The following CELF3 variants were observed in gnomAD, a reference collection of about 807,000 sequenced individuals.
The protein encoded by CELF3 is CUGBP Elav-like family member 3, also known as CAG repeat domain.
In CELF3, 26 loss-of-function variants were observed where a neutral mutation model predicts 59.6. The ratio of observed to expected loss-of-function variants is 0.44; its 90% CI spans 0.32 to 0.61. The LOEUF is 0.61. CELF3 is among the 20% of genes least tolerant of loss of function. CELF3 has a pLI of 0.06. For missense variants in CELF3, 387 were observed against 627.2 expected (o/e 0.62, Z 4.09); for synonymous variants, 245 against 250.7 (o/e 0.98, Z 0.22).
chr1:151,700,204 G>A lies in CELF3; in HGVS notation c.*3255C>T, dbSNP rs752904472. On this transcript the variant is annotated 3_prime_UTR_variant, in exon 13 of 13. Coordinates refer to ENST00000290583, the MANE Select transcript of CELF3 (RefSeq NM_007185.7). ...GCTCACAGAAGAATGAGACACTTAC[G>A]CATGGCCATGATACACAGCAGTGAA... Among the ~76,000 whole-genome samples the A allele has an allele frequency of 6.6e-6, 1 of 152,104 alleles. No homozygotes were observed. The highest frequency in any genetic ancestry group is 1.5e-5 in the Non-Finnish European group (1 of 68,034).
intron 12 of CELF3, among the ~76,000 whole-genome samples, chr1:151,703,734 G>A (rs1672267233): frequency 6.6e-6 from 1 of 152,106 alleles, no homozygotes. Flanking sequence ...TGGAGGGGGA[G>A]AGAGGCAAAG....
intron 7 of CELF3, 78 bp downstream of exon 7, chr1:151,707,429 C>A: frequency 1.3e-6 from 2 of 1,575,050 alleles, no homozygotes; most frequent in Non-Finnish European, 1.7e-6. Flanking sequence ...GACCCCGAGG[C>A]TTCCCTGAGC....
At position 151,716,767 on chromosome 1, in the gene CELF3, G is replaced by A. The variant is rs1286332217; in HGVS notation, c.-747C>T. ...CTTTCCCGGTCACCTGGGTCCCGGA[G>A]CTCTGCTCTCCGGCCGCGCTCTCCT... On this transcript the variant is annotated 5_prime_UTR_variant, in exon 1 of 13. Transcript: ENST00000290583. 6.4e-6 allele frequency: 3 copies of A among 465,276 alleles called. No individual in the cohort carries two copies. The highest frequency in any genetic ancestry group is 7.1e-5 in the East Asian group (1 of 14,184). 28.8% of individuals were successfully genotyped at this position (465,276 alleles called of 1,614,324 possible).
At chr1:151,706,618 C>A (rs1414790634) in intron 9 of CELF3, 51 bp downstream of exon 9, 1 of 1,530,286 alleles carries the variant, frequency 6.5e-7, no homozygotes, top group Non-Finnish European at 8.9e-7. Context: ...GGCCTCTTTT[C>A]CTCCTGCCAC....
chr1:151,711,110 C>T (rs988147817), intron 2 of CELF3: 2 of 321,132 alleles, frequency 6.2e-6, no homozygotes, highest in Middle Eastern at 1.1e-3. Flanking sequence ...AGGACTAGCC[C>T]TGCCCTGCCA....
intron 2 of CELF3, among the ~76,000 whole-genome samples, chr1:151,711,550 C>A (rs1673020126): frequency 6.6e-6 from 1 of 152,098 alleles, no homozygotes; most frequent in Non-Finnish European, 1.5e-5. Flanking sequence ...ACCCGCCAAT[C>A]TGGGATTATC....
In CELF3 at chr1:151,716,749, G is replaced by C. The variant is rs764031917; in HGVS notation, c.-729C>G. On this transcript the variant is annotated 5_prime_UTR_variant, in exon 1 of 13. Coordinates refer to ENST00000290583, the MANE Select transcript of CELF3 (RefSeq NM_007185.7). Reference sequence around the variant, plus strand: ...CGCCGCTGGGGCTGCCTGCTTTCCCGGTCACCTGGGTCCCGGAGCTCTGCT... The same window carrying C: ...CGCCGCTGGGGCTGCCTGCTTTCCCCGTCACCTGGGTCCCGGAGCTCTGCT... 2 of 444,360 alleles carry C rather than the reference G, an allele frequency of 4.5e-6. No homozygotes were observed. Among genetic ancestry groups the C allele is most frequent in the African/African-American group, 4.6e-5 (2 of 43,178 alleles). The allele number at this position is 444,360 out of a possible 1,614,324, so 27.5% of individuals were successfully genotyped here. A position where few individuals can be genotyped will look rare whatever the true frequency, so the allele number is the denominator to read the frequency against.
intron 1 of CELF3, among the ~76,000 whole-genome samples, chr1:151,714,974 G>A (rs548480896): frequency 3.4e-4 from 51 of 151,872 alleles, no homozygotes; most frequent in Non-Finnish European, 6.2e-4. Context: ...GAGTAGTGTG[G>A]CTTTCTCTCC....
In CELF3 at chr1:151,716,009, C is replaced by G. The variant is rs781166346; in HGVS notation, c.12G>C (p.Pro4=). 6.2e-7 allele frequency: 1 copy of G among 1,612,342 alleles called. No individual in the cohort carries two copies. Among genetic ancestry groups the G allele is most frequent in the Non-Finnish European group, 8.5e-7 (1 of 1,179,084 alleles). The change falls in exon 1 of 13, where the codon CCG becomes CCC. Residue 4 remains proline, a synonymous_variant. Coordinates refer to ENST00000290583, the MANE Select transcript of CELF3 (RefSeq NM_007185.7). The stretch of plus-strand genomic sequence containing the variant: ...GCCCCACAAACAGCTTGATGGCATC[C>G]GGCTCCTTCATTGAGGCGGCCCAGG... The part of the protein sequence containing the change: MKE[P]DAIKLFVGQI...
chr1:151,707,820 A>G lies in CELF3; in HGVS notation c.602T>C (p.Phe201Ser). 6.2e-7 allele frequency: 1 copy of G among 1,613,770 alleles called. No individual in the cohort carries two copies. The highest frequency in any genetic ancestry group is 8.5e-7 in the Non-Finnish European group (1 of 1,179,766). ...CTGGGTGTAGGCGCTGTAGGCTCCA[A>G]ACTGGAGGGCGATGGGGCTGAACAT... ...LGMFSPIALQ[F>S]GAYSAYTQAL... Residue 201 changes from phenylalanine (F) to serine (S), a missense_variant, in exon 6 of 13, where the codon TTT becomes TCT. Physicochemically the swap from Phe to Ser is radical, Grantham distance 155. This residue lies in a region of CELF3 where 208 missense variants were observed against 354.8 expected (regional missense o/e 0.59). Transcript: ENST00000290583.
At position 151,705,805 on chromosome 1, in the gene CELF3, C is replaced by T. The variant is rs1260377916; in HGVS notation, c.1270+17G>A. 1 of 1,612,614 alleles carries T rather than the reference C, an allele frequency of 6.2e-7. No individual in the cohort carries two copies. The highest frequency in any genetic ancestry group is 1.3e-5 in the African/African-American group (1 of 74,866). ...GATTTGGAGTATGGCAAAAAATGTG[C>T]CATATCATATTCTTACCAAAACATT... On this transcript the variant is annotated intron_variant, in intron 11 of 12. Coordinates refer to ENST00000290583, the MANE Select transcript of CELF3 (RefSeq NM_007185.7). The surrounding 1 kb of genome is among the most constrained non-coding windows in gnomAD (Gnocchi z 5.1).
intron 9 of CELF3, 82 bp from the exon 10 acceptor site, chr1:151,706,443 A>G (rs1260766193): frequency 7.1e-7 from 1 of 1,404,968 alleles, no homozygotes; most frequent in African/African-American, 1.4e-5. Context: ...CCCTTCCCCT[A>G]GCCCAGGCCA....
intron 9 of CELF3, 141 bp downstream of exon 9, chr1:151,706,528 C>G: frequency 8.4e-7 from 1 of 1,184,838 alleles, no homozygotes; most frequent in Non-Finnish European, 1.2e-6. Context: ...CCTTAAAGAC[C>G]CCTCCCCACA....
intron 2 of CELF3, chr1:151,710,795 A>G (rs1672961462): frequency 2.2e-6 from 1 of 455,554 alleles, no homozygotes; most frequent in Non-Finnish European, 4.4e-6. Flanking sequence ...TCCTAGTTCC[A>G]CTCTCCATGT....
In CELF3 at chr1:151,705,538, C is replaced by A. The variant is rs1257338306; in HGVS notation, c.1270+284G>T. On this transcript the variant is annotated intron_variant, in intron 11 of 12. Coordinates refer to ENST00000290583, the MANE Select transcript of CELF3 (RefSeq NM_007185.7). The surrounding 1 kb of genome is among the most constrained non-coding windows in gnomAD (Gnocchi z 5.1). ...GTGAAGGCAGCTAAAACCGACTCCCCAAGCCCACCTTTTGCAAACCAAACA... is the reference window on the plus strand; with the variant it reads ...GTGAAGGCAGCTAAAACCGACTCCCAAAGCCCACCTTTTGCAAACCAAACA... Among the ~76,000 whole-genome samples, 1 of 152,200 alleles carries A rather than the reference C, an allele frequency of 6.6e-6. No individual in the cohort carries two copies. Among genetic ancestry groups the A allele is most frequent in the Non-Finnish European group, 1.5e-5 (1 of 68,042 alleles).
chr1:151,715,103 A>G (rs553775311), intron 1 of CELF3, among the ~76,000 whole-genome samples: 4 of 151,654 alleles, frequency 2.6e-5, no homozygotes, highest in Non-Finnish European at 4.4e-5. Context: ...CCTCCACCAT[A>G]GGCAGGTGGA....
At position 151,702,890 on chromosome 1, in the gene CELF3, C is replaced by A; in HGVS notation, c.*569G>T. 1 of 281,214 alleles carries A rather than the reference C, an allele frequency of 3.6e-6. No individual in the cohort carries two copies. The highest frequency in any genetic ancestry group is 3.6e-5 in the South Asian group (1 of 27,890). The allele number at this position is 281,214 out of a possible 1,614,324, so 17.4% of individuals were successfully genotyped here. A position where few individuals can be genotyped will look rare whatever the true frequency, so the allele number is the denominator to read the frequency against. On this transcript the variant is annotated 3_prime_UTR_variant, in exon 13 of 13. Transcript: ENST00000290583. ...GGCAGAGAGGCAGCCCTCAGGGCTC[C>A]CCCACACCCTCCTTAGAGGGGGCCC...
intron 2 of CELF3, among the ~76,000 whole-genome samples, chr1:151,713,183 G>A (rs575582578): frequency 7.9e-4 from 121 of 152,306 alleles, no homozygotes; most frequent in Non-Finnish European, 1.3e-3. Flanking sequence ...GCGTCACCTA[G>A]AAGCTCTGGA....
chr1:151,707,015 G>C, intron 8 of CELF3, 130 bp downstream of exon 8: 2 of 1,141,266 alleles, frequency 1.8e-6, no homozygotes, highest in South Asian at 1.8e-5. Flanking sequence ...GATCATCCCC[G>C]CCCAGGATGG....
Sources: allele counts gnomAD v4.1 joint callset (sites outside exome capture counted in the v4.1 genomes callset), GRCh38; gene constraint gnomAD v4.1.1; regional missense constraint gnomAD v4.1.1; non-coding constraint Gnocchi (gnomAD v3.1); transcripts MANE v1.5; gene names NCBI Gene and HGNC (gene_info 2026-07-23, HGNC 2026-07-21).